Variants in NRG1 observed in about 807,000 individuals in gnomAD.
NRG1 encodes pro-neuregulin-1, membrane-bound isoform.
In NRG1, 18 loss-of-function variants were observed where a neutral mutation model predicts 63.8. The ratio of observed to expected loss-of-function variants is 0.28; its 90% CI spans 0.19 to 0.42. The LOEUF is 0.42. NRG1 is among the 10% of genes least tolerant of loss of function. NRG1 has a pLI of 1.00. For synonymous variants in NRG1, 302 were observed against 301.3 expected, an observed-to-expected ratio of 1.00 and a Z score of -0.02; for missense variants, 762 against 814.7, an observed-to-expected ratio of 0.94 and a Z score of 0.79.
chr8:32,233,138 G>C (rs1393739662), intron 1 of NRG1, among the ~76,000 whole-genome samples: 1 of 152,054 alleles, frequency 6.6e-6, no homozygotes, highest in Non-Finnish European at 1.5e-5. Context: ...GTCTCACTCT[G>C]TTGCCCATGC....
chr8:32,104,884 G>T lies in NRG1; in HGVS notation c.37+465453G>T, dbSNP rs951462258. 4.4e-4 allele frequency among the ~76,000 whole-genome samples: 66 copies of T among 150,778 alleles called. 1 individual carries two copies. The highest frequency in any genetic ancestry group is 7.4e-4 in the Non-Finnish European group (50 of 67,966). ...TTCTGGAATTCCTCCTGAAGGACCT[G>T]CCTGAGGCTGTTTCACAGTTAACTT... On this transcript the variant is annotated intron_variant, in intron 1 of 10. Coordinates refer to the NRG1 transcript ENST00000519301.
intron 1 of NRG1, among the ~76,000 whole-genome samples, chr8:32,070,072 T>C (rs1373587400): frequency 6.6e-6 from 1 of 152,166 alleles, no homozygotes; most frequent in Non-Finnish European, 1.5e-5. Context: ...GGTAGTAAAC[T>C]TGAGAATCTC....
At chr8:32,636,811 T>A (rs576241333) in intron 5 of NRG1, among the ~76,000 whole-genome samples, 3 of 152,182 alleles carry the variant, frequency 2.0e-5, no homozygotes, top group Non-Finnish European at 4.4e-5. Flanking sequence ...TAAAATTATA[T>A]GAATCTTTTA....
At chr8:32,066,543 C>G (rs1446552484) in intron 1 of NRG1, among the ~76,000 whole-genome samples, 1 of 152,040 alleles carries the variant, frequency 6.6e-6, no homozygotes, top group Non-Finnish European at 1.5e-5. Context: ...TTCCATTGGT[C>G]TATATCTCTG....
intron 5 of NRG1, chr8:32,648,518 T>C (rs1854213092): frequency 3.8e-6 from 5 of 1,328,750 alleles, no homozygotes; most frequent in Non-Finnish European, 4.0e-6. Context: ...ATGTTTGAGA[T>C]GCTTGGGATG....
At chr8:31,890,953 GA>G (rs1053229558) in intron 1 of NRG1, among the ~76,000 whole-genome samples, 3 of 152,118 alleles carry the variant, frequency 2.0e-5, no homozygotes, top group African/African-American at 7.2e-5. Context: ...CCCAATGGCA[GA>G]AAAAAGTAAG....
chr8:32,449,579 C>A (rs1442355380), intron 1 of NRG1, among the ~76,000 whole-genome samples: 1 of 152,090 alleles, frequency 6.6e-6, no homozygotes. Context: ...TTCATTCATT[C>A]ATTGAGTACC....
intron 1 of NRG1, among the ~76,000 whole-genome samples, chr8:32,264,992 T>G (rs946008236): frequency 3.3e-5 from 5 of 152,166 alleles, no homozygotes; most frequent in African/African-American, 9.7e-5. Context: ...TCAAAAAGTA[T>G]AGTGTCTGCA....
chr8:31,734,915 G>A (rs1814500902), intron 1 of NRG1, among the ~76,000 whole-genome samples: 1 of 152,004 alleles, frequency 6.6e-6, no homozygotes, highest in Admixed American at 6.6e-5. Context: ...TCCCTATTAT[G>A]ACTCTAAGGG....
chr8:31,946,855 T>C (rs939594147), intron 1 of NRG1, among the ~76,000 whole-genome samples: 1 of 152,202 alleles, frequency 6.6e-6, no homozygotes, highest in Non-Finnish European at 1.5e-5. Flanking sequence ...ATGAAGAGGA[T>C]AAGATACCTA....
rs150075684 is a variant in NRG1 at position 31,685,166 on chromosome 8, G to A, written c.37+45735G>A. Among the ~76,000 whole-genome samples, 447 of 152,202 alleles carry A rather than the reference G, an allele frequency of 2.9e-3. 2 individuals carry two copies. Among genetic ancestry groups the A allele is most frequent in the African/African-American group, 0.01 (429 of 41,528 alleles). On this transcript the variant is annotated intron_variant, in intron 1 of 10. Transcript: ENST00000519301. ...TGGAGGGGAAATGGCCTATTAGTGT[G>A]CTTTTGTACTGGGGGATACTTATCT...
chr8:32,462,915 A>G (rs1485862467), intron 1 of NRG1, among the ~76,000 whole-genome samples: 2 of 151,806 alleles, frequency 1.3e-5, no homozygotes, highest in Middle Eastern at 3.4e-3. Flanking sequence ...AGACATACAG[A>G]TTCTACATGA....
intron 1 of NRG1, among the ~76,000 whole-genome samples, chr8:32,584,461 C>T (rs539218307): frequency 2.0e-5 from 3 of 152,192 alleles, no homozygotes; most frequent in Admixed American, 6.5e-5. Flanking sequence ...AGGGATGCAG[C>T]GTTGCTTACT....
At chr8:32,051,858 C>T (rs1034032010) in intron 1 of NRG1, among the ~76,000 whole-genome samples, 1 of 152,104 alleles carries the variant, frequency 6.6e-6, no homozygotes, top group African/African-American at 2.4e-5. Flanking sequence ...ATCCTTACAA[C>T]ATAGTATTTT....
intron 1 of NRG1, among the ~76,000 whole-genome samples, chr8:31,916,382 G>T (rs895938365): frequency 6.6e-6 from 1 of 152,068 alleles, no homozygotes; most frequent in Non-Finnish European, 1.5e-5. Context: ...AGTCCCCAGA[G>T]TGTGATGTTC....
intron 5 of NRG1, among the ~76,000 whole-genome samples, chr8:32,629,345 AC>A (rs1849863375): frequency 6.6e-6 from 1 of 152,012 alleles, no homozygotes; most frequent in Non-Finnish European, 1.5e-5. Flanking sequence ...ATCAGTTCCC[AC>A]ACCAGAATGT....
At chr8:32,405,437 C>A (rs895929514) in intron 1 of NRG1, among the ~76,000 whole-genome samples, 1 of 152,140 alleles carries the variant, frequency 6.6e-6, no homozygotes, top group Non-Finnish European at 1.5e-5. Flanking sequence ...CTAAAGCCTT[C>A]CAACAGCAGA....
At chr8:32,265,432 C>A (rs886630602) in intron 1 of NRG1, among the ~76,000 whole-genome samples, 1 of 152,088 alleles carries the variant, frequency 6.6e-6, no homozygotes, top group Admixed American at 6.6e-5. Flanking sequence ...ACTCCAGTGA[C>A]CTTTTTAAAT....
rs112813306 is a variant in NRG1 at position 32,674,868 on chromosome 8, A to G, written c.503-53081A>G. Among the ~76,000 whole-genome samples, 138 of 152,300 alleles carry G rather than the reference A, an allele frequency of 9.1e-4. 1 individual carries two copies. Among genetic ancestry groups the G allele is most frequent in the South Asian group, 6.2e-3 (30 of 4,828 alleles). ...CTTGATCACACAAGGAGACAGTGAT[A>G]TATTTTGGTTGAGCCCAAGTCTCCT... On this transcript the variant is annotated intron_variant, in intron 5 of 11. Transcript: ENST00000356819.
Sources: gnomAD v4.1 joint callset for allele counts (sites outside exome capture counted in the v4.1 genomes callset) on GRCh38, gnomAD v4.1.1 for gene constraint, MANE v1.5 for transcripts, NCBI Gene and HGNC (gene_info 2026-07-23, HGNC 2026-07-21) for gene names.